Variants in EFR3B observed in about 807,000 individuals in gnomAD.
The protein encoded by EFR3B is EFR3 homolog B, also known as protein EFR3 homolog B.
Under a neutral mutation model 104.7 loss-of-function variants are expected in EFR3B, and 64 were observed. The ratio of observed to expected loss-of-function variants is 0.61; its 90% confidence interval spans 0.50 to 0.75. EFR3B has a LOEUF of 0.75. Among genes scored for constraint, EFR3B ranks in the 30% least tolerant of loss-of-function variants. The pLI is 0.00. For missense variants in EFR3B, 750 were observed against 1,078.5 expected, an observed-to-expected ratio of 0.70 and a Z score of 4.27; for synonymous variants, 385 against 417.9, an observed-to-expected ratio of 0.92 and a Z score of 0.96.
Position 25,042,332 on chromosome 2 carries a change from C to A in EFR3B, c.7+13C>A. 1.6e-6 allele frequency: 2 copies of A among 1,264,518 alleles called. No individual in the cohort carries two copies. Among genetic ancestry groups the A allele is most frequent in the Non-Finnish European group, 2.0e-6 (2 of 1,003,786 alleles). 78.3% of individuals were successfully genotyped at this position (1,264,518 alleles called of 1,614,324 possible). On this transcript the variant is annotated intron_variant, in intron 1 of 22. Coordinates refer to ENST00000403714, the MANE Select transcript of EFR3B (RefSeq NM_014971.2). This position sits in a 1 kb window ranked among gnomAD's most constrained non-coding sequence, Gnocchi z 5.4. ...GCCGAGATGTACGGTAAGGAGGGCTCCGCGCCCGGGCCCGGGCCCGCGGGG... is the reference window on the plus strand; with the variant it reads ...GCCGAGATGTACGGTAAGGAGGGCTACGCGCCCGGGCCCGGGCCCGCGGGG...
At chr2:25,108,829 T>C (rs1211404350) in intron 4 of EFR3B, among the ~76,000 whole-genome samples, 3 of 130,404 alleles carry the variant, frequency 2.3e-5, no homozygotes, top group African/African-American at 7.6e-5. Flanking sequence ...TGAAACCCCA[T>C]CTCTACTAAA....
rs1553399103 is a variant in EFR3B, at chr2:25,156,287, C to CTTTTTT, written c.*1949_*1950insTTTTTT. On this transcript the variant is annotated 3_prime_UTR_variant, in exon 23 of 23. Transcript: ENST00000403714. ...TGCTGTGGGCACACAGCTTCTTTTT[C>CTTTTTT]TTGTTTTTTTTTTTTTTTTTTTTTT... is the stretch of plus-strand genomic sequence containing the variant. 1.0e-5 allele frequency: 1 copy of CTTTTTT among 97,240 alleles called. No homozygotes were observed. Among genetic ancestry groups the CTTTTTT allele is most frequent in the African/African-American group, 4.6e-5 (1 of 21,804 alleles). 6.0% of individuals were successfully genotyped at this position (97,240 alleles called of 1,614,324 possible).
At chr2:25,135,127 G>A (rs1042560990) in intron 12 of EFR3B, among the ~76,000 whole-genome samples, 1 of 152,134 alleles carries the variant, frequency 6.6e-6, no homozygotes, top group Non-Finnish European at 1.5e-5. Context: ...GTTCCTGGTG[G>A]CTGTTCATCA....
intron 20 of EFR3B, among the ~76,000 whole-genome samples, chr2:25,150,581 T>C (rs1670975804): frequency 1.3e-5 from 2 of 151,860 alleles, no homozygotes; most frequent in Admixed American, 6.6e-5. Flanking sequence ...TCATTAATGA[T>C]AGTCTCTCTG....
intron 4 of EFR3B, among the ~76,000 whole-genome samples, chr2:25,112,435 G>C (rs538478072): frequency 1.2e-4 from 19 of 152,370 alleles, no homozygotes; most frequent in Admixed American, 1.3e-4. Flanking sequence ...TTGAAGGGGG[G>C]ACTGTGTAAT....
At chr2:25,139,849 A>G (rs1310159538) in intron 16 of EFR3B, among the ~76,000 whole-genome samples, 2 of 152,208 alleles carry the variant, frequency 1.3e-5, no homozygotes, top group Non-Finnish European at 1.5e-5. Flanking sequence ...ACACCTCCCT[A>G]CATGACTGCC....
intron 1 of EFR3B, among the ~76,000 whole-genome samples, chr2:25,061,781 C>A (rs1202234118): frequency 6.6e-6 from 1 of 151,940 alleles, no homozygotes; most frequent in African/African-American, 2.4e-5. Context: ...TAGGCGTGAG[C>A]CACCCTGCCT....
At chr2:25,128,431 C>T in intron 6 of EFR3B, 99 bp downstream of exon 6, 4 of 1,453,310 alleles carry the variant, frequency 2.8e-6, no homozygotes, top group Non-Finnish European at 2.8e-6. Context: ...AACTCAGCTA[C>T]AAGGCCAGGG....
At chr2:25,091,584 C>T (rs1669124111) in intron 2 of EFR3B, among the ~76,000 whole-genome samples, 183 bp downstream of exon 2, 1 of 152,168 alleles carries the variant, frequency 6.6e-6, no homozygotes, top group East Asian at 1.9e-4. Flanking sequence ...GGTGAGAGGC[C>T]GCTAGGGACA....
intron 12 of EFR3B, among the ~76,000 whole-genome samples, chr2:25,133,739 G>A (rs927031269): frequency 5.3e-5 from 8 of 152,118 alleles, no homozygotes; most frequent in Non-Finnish European, 1.2e-4. Context: ...GTTGGTTCCC[G>A]CCCTGGTTCC....
Position 25,137,420 on chromosome 2 carries a change from A to C in EFR3B, c.1640A>C (p.Tyr547Ser). 6.4e-7 allele frequency: 1 copy of C among 1,551,784 alleles called. No individual in the cohort carries two copies. The highest frequency in any genetic ancestry group is 8.7e-7 in the Non-Finnish European group (1 of 1,147,018). The change falls in exon 15 of 23, where the codon TAT becomes TCT. Residue 547 changes from tyrosine (Y) to serine (S), a missense_variant. By Grantham distance (144) the Tyr-to-Ser change is moderately radical. Coordinates refer to ENST00000403714, the MANE Select transcript of EFR3B (RefSeq NM_014971.2). This position sits in a 1 kb window ranked among gnomAD's most constrained non-coding sequence, Gnocchi z 4.7. ...TNVQKHYEAL[Y>S]GLLALISIEL... The stretch of plus-strand genomic sequence containing the variant: ...GTGCAGAAACACTACGAGGCGCTCT[A>C]TGGCTTGCTGGCCCTCATCAGCATC...
chr2:25,090,272 C>G (rs1669075699), intron 1 of EFR3B, among the ~76,000 whole-genome samples: 1 of 152,192 alleles, frequency 6.6e-6, no homozygotes, highest in African/African-American at 2.4e-5. Context: ...GTCCTCCTCT[C>G]TCCTCCTCCA....
At chr2:25,091,427 G>A (rs1010179040) in intron 2 of EFR3B, 26 bp downstream of exon 2, 12 of 1,541,142 alleles carry the variant, frequency 7.8e-6, no homozygotes, top group Non-Finnish European at 1.1e-5. Flanking sequence ...GGCAGGCATC[G>A]TGGCTCTCAT....
chr2:25,103,125 T>C (rs1182781755), intron 3 of EFR3B, among the ~76,000 whole-genome samples: 2 of 152,212 alleles, frequency 1.3e-5, no homozygotes, highest in East Asian at 1.9e-4. Flanking sequence ...GATTTTCTTG[T>C]AGGATTTATT....
chr2:25,079,422 G>A (rs1260333595), intron 1 of EFR3B, among the ~76,000 whole-genome samples: 1 of 152,182 alleles, frequency 6.6e-6, no homozygotes, highest in Non-Finnish European at 1.5e-5. Context: ...GTGACCTTGG[G>A]CAGGGCACTT....
At position 25,076,585 on chromosome 2, in the gene EFR3B, T is replaced by C. The variant is rs1668639001; in HGVS notation, c.8-14740T>C. On this transcript the variant is annotated intron_variant, in intron 1 of 22. Coordinates refer to ENST00000403714, the MANE Select transcript of EFR3B (RefSeq NM_014971.2). ...AGGCTTTCTATTTCCCCAAAATGGT[T>C]GGGATAAAATTTTCCTGCTGTTAGT... 1.3e-5 allele frequency among the ~76,000 whole-genome samples: 2 copies of C among 152,132 alleles called. 1 individual carries two copies. The highest frequency in any genetic ancestry group is 4.1e-4 in the South Asian group (2 of 4,830).
chr2:25,042,484 G>T lies in EFR3B; in HGVS notation c.7+165G>T. The T allele has an allele frequency of 6.6e-6, 8 of 1,206,916 alleles. No individual in the cohort carries two copies. Among genetic ancestry groups the T allele is most frequent in the Non-Finnish European group, 8.2e-6 (8 of 972,134 alleles). The allele number at this position is 1,206,916 out of a possible 1,614,324, so 74.8% of individuals were successfully genotyped here. A position where few individuals can be genotyped will look rare whatever the true frequency, so the allele number is the denominator to read the frequency against. On this transcript the variant is annotated intron_variant, in intron 1 of 22. Transcript: ENST00000403714. The surrounding 1 kb of genome is among the most constrained non-coding windows in gnomAD (Gnocchi z 5.4). ...CTCTGTGCGCGCGCGTCTGCGCTGC[G>T]AGGACAAAGATGCCTCGGGCCGGGG...
chr2:25,149,701 C>G lies in EFR3B; in HGVS notation c.2150C>G (p.Pro717Arg), dbSNP rs1670948893. The G allele has an allele frequency of 1.3e-6, 2 of 1,551,586 alleles. No individual in the cohort carries two copies. The highest frequency in any genetic ancestry group is 4.9e-5 in the East Asian group (2 of 40,918). The change falls in exon 20 of 23, where the codon CCT becomes CGT. Residue 717 changes from proline to arginine, a missense_variant. By Grantham distance (103) the Pro-to-Arg change is moderately radical. Coordinates refer to ENST00000403714, the MANE Select transcript of EFR3B (RefSeq NM_014971.2). ...CTGTCCCTTCTCCTTCAGCGAGTGC[C>G]TGCCGAGGAGATCACCTATGAGACA... ...RNSPEKEERVPAEEITYETLK... is the reference protein window; with the variant it reads ...RNSPEKEERVRAEEITYETLK...
At position 25,131,871 on chromosome 2, in the gene EFR3B, C is replaced by T; in HGVS notation, c.1107C>T (p.His369=). 2 of 1,545,928 alleles carry T rather than the reference C, an allele frequency of 1.3e-6. No individual in the cohort carries two copies. The highest frequency in any genetic ancestry group is 1.7e-6 in the Non-Finnish European group (2 of 1,144,978). ...TCGGCACCAAGATCATCAAGGAGCA[C>T]GAGGAGCGCATGTTCCAGGAGGCCG... is the stretch of plus-strand genomic sequence containing the variant. ...VSLGTKIIKE[H]EERMFQEAVI... is the part of the protein sequence containing the mutation. The change falls in exon 10 of 23, where the codon CAC becomes CAT. Residue 369 remains histidine, a synonymous_variant. Coordinates refer to ENST00000403714, the MANE Select transcript of EFR3B (RefSeq NM_014971.2). The surrounding 1 kb of genome is among the most constrained non-coding windows in gnomAD (Gnocchi z 7.6).
Sources: gnomAD v4.1 joint callset for allele counts (sites outside exome capture counted in the v4.1 genomes callset) on GRCh38, gnomAD v4.1.1 for gene constraint, Gnocchi (gnomAD v3.1) non-coding constraint, MANE v1.5 for transcripts, NCBI Gene and HGNC (gene_info 2026-07-23, HGNC 2026-07-21) for gene names.